The following ACACA variants were observed in gnomAD, a reference collection of about 807,000 sequenced individuals.
ACACA encodes the protein acetyl-CoA carboxylase 1.
ACACA carries 103 observed loss-of-function variants against 296.1 expected under a neutral mutation model. The ratio of observed to expected loss-of-function variants is 0.35; its 90% CI spans 0.30 to 0.41. The LOEUF (loss-of-function observed/expected upper bound fraction) is 0.41, where lower values mean the gene tolerates loss of function less well. Ranked by LOEUF, ACACA falls within the 10% of genes least tolerant of loss-of-function variation. ACACA has a pLI of 1.00. For missense variants in ACACA, 1,554 were observed against 2,989.7 expected (o/e 0.52, Z 11.20); for synonymous variants, 953 against 1,038.6 (o/e 0.92, Z 1.58).
chr17:37,274,753 C>G, intron 8 of ACACA: 1 of 757,590 alleles, frequency 1.3e-6, no homozygotes, highest in Non-Finnish European at 1.6e-6. Flanking sequence ...GCTCTCTGAA[C>G]GTCCCTGTAC....
chr17:37,257,834 C>T lies in ACACA; in HGVS notation c.1695G>A (p.Glu565=). 1.9e-6 allele frequency: 3 copies of T among 1,614,160 alleles called. No homozygotes were observed. The highest frequency in any genetic ancestry group is 2.2e-5 in the South Asian group (2 of 91,082). ...CATTCTTATTGCTGCGGAAATTTAG[C>T]TCCTGAACTGTTCCTGAGCTGGGCT... The part of the protein sequence containing the change: ...GFKPSSGTVQ[E]LNFRSNKNVW... The change falls in exon 14 of 56, where the codon GAG becomes GAA. Residue 565 remains glutamate, a synonymous_variant. Coordinates refer to ENST00000616317, the MANE Select transcript of ACACA (RefSeq NM_198834.3).
At chr17:37,127,956 G>T (rs77403798) in intron 47 of ACACA, among the ~76,000 whole-genome samples, 2 of 146,306 alleles carry the variant, frequency 1.4e-5, no homozygotes, top group Non-Finnish European at 3.0e-5. Flanking sequence ...AAGTGGAGGC[G>T]GAGGTTGCAG....
At chr17:37,366,895 A>C (rs1451881650) in intron 1 of ACACA, 2 of 152,192 alleles carry the variant, frequency 1.3e-5, no homozygotes, top group East Asian at 3.9e-4. Context: ...TGTGACCAGC[A>C]TGACCAACAT....
intron 3 of ACACA, among the ~76,000 whole-genome samples, chr17:37,313,746 C>T (rs1445449899): frequency 6.6e-6 from 1 of 152,092 alleles, no homozygotes; most frequent in Non-Finnish European, 1.5e-5. Flanking sequence ...TAAATTAAAA[C>T]ACAATGGGAA....
At chr17:37,192,733 A>G (rs2077813652) in intron 36 of ACACA, among the ~76,000 whole-genome samples, 1 of 152,192 alleles carries the variant, frequency 6.6e-6, no homozygotes, top group Non-Finnish European at 1.5e-5. Flanking sequence ...CACTTATGAT[A>G]AGTACAAAGG....
At chr17:37,174,020 ATTTTT>A (rs71159693) in intron 41 of ACACA, among the ~76,000 whole-genome samples, 99 of 16,774 alleles carry the variant, frequency 5.9e-3, no homozygotes, top group Non-Finnish European at 7.5e-3. Flanking sequence ...ATATATATAT[ATTTTT>A]TTTTTTTTTT....
intron 1 of ACACA, among the ~76,000 whole-genome samples, chr17:37,400,279 C>T (rs191619421): frequency 9.5e-4 from 145 of 152,164 alleles, no homozygotes; most frequent in African/African-American, 3.4e-3. Context: ...ACCACCACGC[C>T]TGGCTAATTT....
chr17:37,088,395 G>A (rs181920893), intron 55 of ACACA, among the ~76,000 whole-genome samples: 1 of 152,278 alleles, frequency 6.6e-6, no homozygotes, highest in Admixed American at 6.5e-5. Context: ...TATAGCAACG[G>A]GGAGAAAATG....
At chr17:37,263,536 T>C (rs963202636) in intron 11 of ACACA, 149 bp downstream of exon 11, 38 of 712,352 alleles carry the variant, frequency 5.3e-5, no homozygotes, top group Middle Eastern at 4.0e-4. Context: ...GGGAGAACAG[T>C]AGAATTTTTT....
intron 3 of ACACA, chr17:37,299,176 G>T: frequency 8.1e-7 from 1 of 1,227,786 alleles, no homozygotes; most frequent in Non-Finnish European, 1.1e-6. Flanking sequence ...ATTTTTTAAA[G>T]ATAGAAAAAA....
At chr17:37,391,057 G>A (rs2050861976) in intron 1 of ACACA, among the ~76,000 whole-genome samples, 1 of 151,968 alleles carries the variant, frequency 6.6e-6, no homozygotes, top group South Asian at 2.1e-4. Context: ...TGACCAACAA[G>A]GTGAAACTGT....
At chr17:37,096,803 C>T (rs1200454136) in intron 54 of ACACA, among the ~76,000 whole-genome samples, 193 bp downstream of exon 54, 2 of 152,144 alleles carry the variant, frequency 1.3e-5, no homozygotes, top group Admixed American at 6.5e-5. Flanking sequence ...ATATGCCCTA[C>T]CACCTCTTCT....
intron 30 of ACACA, among the ~76,000 whole-genome samples, chr17:37,209,998 A>G (rs940530552): frequency 6.6e-6 from 1 of 152,224 alleles, no homozygotes; most frequent in Admixed American, 6.5e-5. Flanking sequence ...AAAATTAACT[A>G]ACAAACTGAT....
intron 1 of ACACA, among the ~76,000 whole-genome samples, chr17:37,395,256 C>G (rs1042465280): frequency 6.6e-6 from 1 of 151,874 alleles, no homozygotes; most frequent in East Asian, 2.0e-4. Flanking sequence ...TGGTGAAACA[C>G]CATCTTTACT....
At position 37,155,582 on chromosome 17, in the gene ACACA, A is replaced by G; in HGVS notation, c.5447+101T>C. ...AAAACATCTAGATTATGTCATCTTCAATGTTCTTCAAGGTTATGAACAGCT... is the reference window on the plus strand; with the variant it reads ...AAAACATCTAGATTATGTCATCTTCGATGTTCTTCAAGGTTATGAACAGCT... On this transcript the variant is annotated intron_variant, in intron 43 of 55. Transcript: ENST00000616317. 3.6e-6 allele frequency: 3 copies of G among 826,396 alleles called. 1 individual carries two copies. The South Asian group carries it at 4.1e-5, about 11-fold the overall frequency. 51.2% of individuals were successfully genotyped at this position (826,396 alleles called of 1,614,324 possible).
At chr17:37,290,205 G>A (rs537580797) in intron 3 of ACACA, among the ~76,000 whole-genome samples, 181 of 152,148 alleles carry the variant, frequency 1.2e-3, no homozygotes, top group Non-Finnish European at 2.1e-3. Context: ...GTGCCACCAC[G>A]CTCGACTAAT....
chr17:37,225,867 G>T (rs540227702), intron 26 of ACACA, among the ~76,000 whole-genome samples: 8 of 152,234 alleles, frequency 5.3e-5, no homozygotes, highest in African/African-American at 1.4e-4. Flanking sequence ...GAAGACTGCA[G>T]GGTGAAACTA....
At chr17:37,328,637 C>T (rs1290768756) in intron 3 of ACACA, 1 of 326,110 alleles carries the variant, frequency 3.1e-6, no homozygotes, top group Non-Finnish European at 5.5e-6. Flanking sequence ...TAAGACAGAA[C>T]AATCACATCC....
chr17:37,174,020 A>ATATATATATTTTTTT (rs552735515), intron 41 of ACACA, among the ~76,000 whole-genome samples: 2 of 16,794 alleles, frequency 1.2e-4, no homozygotes, highest in African/African-American at 5.1e-4. Context: ...ATATATATAT[A>ATATATATATTTTTTT]TTTTTTTTTT....
Sources: gnomAD v4.1 joint callset for allele counts (sites outside exome capture counted in the v4.1 genomes callset) on GRCh38, gnomAD v4.1.1 for gene constraint, MANE v1.5 for transcripts, NCBI Gene and HGNC (gene_info 2026-07-23, HGNC 2026-07-21) for gene names.